Variants in CNIH3 observed in about 807,000 individuals in gnomAD.
The protein encoded by CNIH3 is protein cornichon homolog 3.
In CNIH3, 14 loss-of-function variants were observed where a neutral mutation model predicts 24.1. The ratio of observed to expected loss-of-function variants is 0.58; its 90% confidence interval spans 0.38 to 0.91. The LOEUF (loss-of-function observed/expected upper bound fraction) is 0.91, where lower values mean the gene tolerates loss of function less well. CNIH3 is among the 40% of genes least tolerant of loss of function. The probability of loss-of-function intolerance (pLI) is 0.00; values close to 1 mark genes in which losing one functional copy is unlikely to be tolerated. For synonymous variants in CNIH3, 68 were observed against 73.8 expected, an observed-to-expected ratio of 0.92 and a Z score of 0.40; for missense variants, 178 against 196.8, an observed-to-expected ratio of 0.90 and a Z score of 0.57.
At chr1:224,639,099 G>A (rs1223119265) in intron 1 of CNIH3, among the ~76,000 whole-genome samples, 1 of 152,184 alleles carries the variant, frequency 6.6e-6, no homozygotes. Flanking sequence ...TCCCCAATAG[G>A]AAGGTAAATT....
At chr1:224,542,845 C>A (rs1679564815) in intron 2 of CNIH3, among the ~76,000 whole-genome samples, 1 of 152,170 alleles carries the variant, frequency 6.6e-6, no homozygotes, top group African/African-American at 2.4e-5. Flanking sequence ...TATTCTCCTG[C>A]TATTGTATAA....
intron 1 of CNIH3, among the ~76,000 whole-genome samples, chr1:224,624,804 C>T (rs576472163): frequency 2.0e-5 from 3 of 152,306 alleles, no homozygotes; most frequent in East Asian, 3.9e-4. Flanking sequence ...GGACCAGGTC[C>T]CGGTTAACTG....
chr1:224,554,029 T>C (rs1680035244), intron 3 of CNIH3, among the ~76,000 whole-genome samples: 1 of 152,188 alleles, frequency 6.6e-6, no homozygotes, highest in African/African-American at 2.4e-5. Flanking sequence ...ACCATAGACA[T>C]AAATAACCCA....
chr1:224,509,107 G>A (rs1177519432), intron 1 of CNIH3, among the ~76,000 whole-genome samples: 1 of 152,204 alleles, frequency 6.6e-6, no homozygotes, highest in Non-Finnish European at 1.5e-5. Flanking sequence ...TGGATCACTC[G>A]AGGTCAGGAG....
chr1:224,733,778 T>C (rs1689454813), intron 4 of CNIH3, among the ~76,000 whole-genome samples: 1 of 152,144 alleles, frequency 6.6e-6, no homozygotes, highest in Admixed American at 6.5e-5. Flanking sequence ...ACTTTGTTCT[T>C]GGGCTCCGGC....
At chr1:224,659,042 TAGAA>T (rs891413142) in intron 1 of CNIH3, among the ~76,000 whole-genome samples, 1 of 152,230 alleles carries the variant, frequency 6.6e-6, no homozygotes, top group Admixed American at 6.5e-5. Flanking sequence ...GTTTAGTTTT[TAGAA>T]AGACTGAACT....
At chr1:224,564,134 A>G (rs1263711474) in intron 3 of CNIH3, among the ~76,000 whole-genome samples, 1 of 152,232 alleles carries the variant, frequency 6.6e-6, no homozygotes, top group Non-Finnish European at 1.5e-5. Flanking sequence ...TGGATAGTCC[A>G]TACCTGTGCT....
At chr1:224,600,336 T>A (rs1558198252) in intron 3 of CNIH3, among the ~76,000 whole-genome samples, 1 of 152,042 alleles carries the variant, frequency 6.6e-6, no homozygotes, top group African/African-American at 2.4e-5. Context: ...ATTATAGGCA[T>A]GCACCACCAT....
intron 4 of CNIH3, among the ~76,000 whole-genome samples, chr1:224,576,642 G>T (rs1681049279): frequency 6.6e-6 from 1 of 152,164 alleles, no homozygotes; most frequent in South Asian, 2.1e-4. Flanking sequence ...ACTGAGCCGT[G>T]TAGTATACTA....
Position 224,663,052 on chromosome 1 carries a change from C to T in CNIH3, c.82-17906C>T, listed in dbSNP as rs145558830. On this transcript the variant is annotated intron_variant, in intron 1 of 5. Transcript: ENST00000272133. Reference sequence around the variant, plus strand: ...GCCATCTGAAAGCAATGGCAAAAACCGCAATTACTTTTGCACCAACTTAAT... The same window carrying T: ...GCCATCTGAAAGCAATGGCAAAAACTGCAATTACTTTTGCACCAACTTAAT... Among the ~76,000 whole-genome samples the T allele has an allele frequency of 3.4e-3, 515 of 152,114 alleles. 2 individuals are homozygous for T. The highest frequency in any genetic ancestry group is 0.013 in the South Asian group (63 of 4,798).
At chr1:224,711,276 C>A (rs1047019043) in intron 3 of CNIH3, among the ~76,000 whole-genome samples, 1 of 151,766 alleles carries the variant, frequency 6.6e-6, no homozygotes, top group Non-Finnish European at 1.5e-5. Flanking sequence ...TCTTCCTTTT[C>A]ATTCCTACTG....
In CNIH3 at chr1:224,470,382, C is replaced by T. The variant is rs1406315153; in HGVS notation, n.203+35520C>T. Among the ~76,000 whole-genome samples the T allele has an allele frequency of 1.4e-4, 21 of 149,368 alleles. 1 individual carries two copies. Among genetic ancestry groups the T allele is most frequent in the Admixed American group, 1.1e-3 (16 of 14,890 alleles). Reference sequence around the variant, plus strand: ...TCACCCAGGATGGAGTGCAGTGGCACGATCGTAGCTCACTGCAGCCTTCTT... The same window carrying T: ...TCACCCAGGATGGAGTGCAGTGGCATGATCGTAGCTCACTGCAGCCTTCTT... On this transcript the variant is annotated intron_variant and non_coding_transcript_variant, in intron 1 of 5. Transcript: ENST00000471578.
intron 1 of CNIH3, among the ~76,000 whole-genome samples, chr1:224,484,146 G>C (rs1218699206): frequency 6.7e-6 from 1 of 148,854 alleles, no homozygotes; most frequent in East Asian, 2.0e-4. Context: ...ACTCTAGCCT[G>C]GGCAACAAGA....
chr1:224,525,432 C>T (rs1425506744), intron 2 of CNIH3, among the ~76,000 whole-genome samples: 1 of 152,194 alleles, frequency 6.6e-6, no homozygotes, highest in African/African-American at 2.4e-5. Context: ...TTGCTCAGGT[C>T]CGCATAGCTT....
At chr1:224,444,064 G>A (rs1328118431) in intron 1 of CNIH3, among the ~76,000 whole-genome samples, 1 of 152,072 alleles carries the variant, frequency 6.6e-6, no homozygotes, top group Non-Finnish European at 1.5e-5. Flanking sequence ...CCACCATCCA[G>A]CTATGATAGC....
chr1:224,488,474 G>C (rs12065739), intron 1 of CNIH3, among the ~76,000 whole-genome samples: 41 of 120,626 alleles, frequency 3.4e-4, no homozygotes, highest in African/African-American at 1.1e-3. Flanking sequence ...TTTGGGGGGT[G>C]GGGGGGAACA....
Position 224,739,680 on chromosome 1 carries a change from C to A in CNIH3, c.*324C>A. The A allele has an allele frequency of 4.6e-6, 2 of 431,816 alleles. No individual in the cohort carries two copies. Among genetic ancestry groups the A allele is most frequent in the East Asian group, 4.4e-5 (1 of 22,886 alleles). 26.7% of individuals were successfully genotyped at this position (431,816 alleles called of 1,614,324 possible). On this transcript the variant is annotated 3_prime_UTR_variant, in exon 6 of 6. Coordinates refer to ENST00000272133, the MANE Select transcript of CNIH3 (RefSeq NM_152495.2). ...GAGAGAGAATTGCTGCTTCCTGAAT[C>A]CACTTCATTGAACAGCACCTTGCAA...
chr1:224,687,886 A>T (rs1026454383), intron 3 of CNIH3, among the ~76,000 whole-genome samples: 1 of 152,276 alleles, frequency 6.6e-6, no homozygotes, highest in African/African-American at 2.4e-5. Flanking sequence ...GGGGTTGCTG[A>T]TTGGTTAGGA....
Position 224,568,151 on chromosome 1 carries a change from A to G in CNIH3, n.516+1887A>G, listed in dbSNP as rs373504224. Among the ~76,000 whole-genome samples, 33 of 152,154 alleles carry G rather than the reference A, an allele frequency of 2.2e-4. No homozygotes were observed. The East Asian group carries it at 2.5e-3, about 12-fold the overall frequency. On this transcript the variant is annotated intron_variant and non_coding_transcript_variant, in intron 4 of 5. Coordinates refer to the CNIH3 transcript ENST00000471578. ...CTAAAAATACAAAAATTAGCTGGGC[A>G]TGGTGGCACGTGCCTGTTATCCCAG... is the stretch of plus-strand genomic sequence containing the variant.
Sources: gnomAD v4.1 joint callset for allele counts (sites outside exome capture counted in the v4.1 genomes callset) on GRCh38, gnomAD v4.1.1 for gene constraint, MANE v1.5 for transcripts, NCBI Gene and HGNC (gene_info 2026-07-23, HGNC 2026-07-21) for gene names.